Variants in CNTN5 observed in about 807,000 individuals in gnomAD.
CNTN5 encodes contactin 5, also known as contactin-5.
Under a neutral mutation model 129.1 loss-of-function variants are expected in CNTN5, and 77 were observed. The observed-to-expected ratio is 0.60, with a 90% CI of 0.50 to 0.72. The LOEUF (loss-of-function observed/expected upper bound fraction) is 0.72, where lower values mean the gene tolerates loss of function less well. Ranked by LOEUF, CNTN5 falls within the 30% of genes least tolerant of loss-of-function variation. The pLI, the probability that CNTN5 is intolerant of heterozygous loss-of-function variation, is 0.00. For missense variants in CNTN5, 1,478 were observed against 1,328.8 expected, an observed-to-expected ratio of 1.11 and a Z score of -1.75; for synonymous variants, 509 against 465.6, an observed-to-expected ratio of 1.09 and a Z score of -1.20.
At chr11:99,378,034 G>A (rs1236531858) in intron 2 of CNTN5, among the ~76,000 whole-genome samples, 3 of 152,074 alleles carry the variant, frequency 2.0e-5, no homozygotes, top group Admixed American at 6.6e-5. Flanking sequence ...ATTTTAGGGT[G>A]TATAATCAAC....
intron 9 of CNTN5, among the ~76,000 whole-genome samples, chr11:100,036,020 T>C (rs1941976432): frequency 6.6e-6 from 1 of 152,182 alleles, no homozygotes; most frequent in African/African-American, 2.4e-5. Flanking sequence ...GCTTTTGGTG[T>C]TTGAGACGTG....
At chr11:100,290,292 T>A (rs1228780883) in intron 18 of CNTN5, among the ~76,000 whole-genome samples, 1 of 152,202 alleles carries the variant, frequency 6.6e-6, no homozygotes, top group East Asian at 1.9e-4. Flanking sequence ...AGAGCCTGCA[T>A]TGCTAAGTCA....
intron 2 of CNTN5, among the ~76,000 whole-genome samples, chr11:99,464,987 A>G (rs1944876195): frequency 6.6e-6 from 1 of 152,212 alleles, no homozygotes; most frequent in African/African-American, 2.4e-5. Context: ...GAATAAACAC[A>G]GGGCCATATG....
intron 4 of CNTN5, among the ~76,000 whole-genome samples, chr11:99,843,793 C>G (rs2135690170): frequency 6.6e-6 from 1 of 152,262 alleles, no homozygotes; most frequent in East Asian, 1.9e-4. Context: ...ATCAATGGTA[C>G]AGAGACTGAG....
At chr11:99,485,256 G>C (rs2656149) in intron 2 of CNTN5, among the ~76,000 whole-genome samples, 149,514 of 151,936 alleles carry the variant, frequency 0.98, 73,624 homozygotes, top group East Asian at 1. Context: ...AAAAAAAAGG[G>C]AAGTGATTTC....
intron 3 of CNTN5, among the ~76,000 whole-genome samples, chr11:99,746,677 G>T (rs1181196455): frequency 1.3e-5 from 2 of 152,172 alleles, no homozygotes; most frequent in African/African-American, 4.8e-5. Context: ...GGGTGGAATA[G>T]TTTCATCCTG....
At chr11:100,352,486 AT>A (rs1384678846) in intron 24 of CNTN5, among the ~76,000 whole-genome samples, 3 of 151,754 alleles carry the variant, frequency 2.0e-5, no homozygotes, top group Non-Finnish European at 4.4e-5. Context: ...TTTCAAAAAA[AT>A]GTATATATGT....
At chr11:99,485,107 GA>G (rs1178955510) in intron 2 of CNTN5, among the ~76,000 whole-genome samples, 1 of 151,950 alleles carries the variant, frequency 6.6e-6, no homozygotes, top group Non-Finnish European at 1.5e-5. Flanking sequence ...ATATTTGATG[GA>G]TATGCTAATT....
chr11:100,299,481 A>C (rs894167992), intron 20 of CNTN5, 85 bp downstream of exon 20: 35 of 781,718 alleles, frequency 4.5e-5, no homozygotes, highest in Non-Finnish European at 6.0e-5. Flanking sequence ...CATATTAGAA[A>C]ATACAAATAA....
At chr11:99,898,059 T>C (rs903583521) in intron 6 of CNTN5, among the ~76,000 whole-genome samples, 1 of 152,022 alleles carries the variant, frequency 6.6e-6, no homozygotes, top group Non-Finnish European at 1.5e-5. Flanking sequence ...CAAAACCTCC[T>C]GAATACAGTG....
intron 7 of CNTN5, among the ~76,000 whole-genome samples, chr11:99,941,337 A>G (rs1027074593): frequency 1.3e-5 from 2 of 152,138 alleles, no homozygotes; most frequent in Non-Finnish European, 2.9e-5. Flanking sequence ...TTTACCCAAT[A>G]TAATAGTTTT....
chr11:99,962,637 T>C (rs1950980539), intron 8 of CNTN5, among the ~76,000 whole-genome samples: 1 of 150,938 alleles, frequency 6.6e-6, no homozygotes, highest in African/African-American at 2.5e-5. Context: ...TGTGTCTTTA[T>C]AGCAGCATGA....
At chr11:99,046,152 G>C (rs757674983) in intron 1 of CNTN5, among the ~76,000 whole-genome samples, 1 of 151,870 alleles carries the variant, frequency 6.6e-6, no homozygotes, top group Non-Finnish European at 1.5e-5. Context: ...CAGACTGGGC[G>C]ACATGGCAAA....
rs553852423 is a variant in CNTN5 at position 100,183,613 on chromosome 11, G to A, written c.1581-7513G>A. ...CAGATCAGTAGTTGCCTAGGACAAC[G>A]ATGGGGTTAGAAGGGGCTGGGGGAA... is the stretch of plus-strand genomic sequence containing the variant. On this transcript the variant is annotated intron_variant, in intron 13 of 24. Coordinates refer to ENST00000524871, the MANE Select transcript of CNTN5 (RefSeq NM_014361.4). 2.6e-5 allele frequency among the ~76,000 whole-genome samples: 4 copies of A among 152,204 alleles called. No homozygotes were observed. In the South Asian group the frequency reaches 8.3e-4, roughly 32 times the overall value.
intron 1 of CNTN5, among the ~76,000 whole-genome samples, chr11:99,038,905 A>G (rs896678135): frequency 3.4e-4 from 51 of 152,090 alleles, no homozygotes; most frequent in Admixed American, 1.3e-3. Flanking sequence ...TAGCTCTGAT[A>G]AGTAAAATTT....
At chr11:99,686,733 C>T (rs1953811133) in intron 3 of CNTN5, among the ~76,000 whole-genome samples, 1 of 152,102 alleles carries the variant, frequency 6.6e-6, no homozygotes, top group Non-Finnish European at 1.5e-5. Flanking sequence ...AAAGTGTGGG[C>T]TGTCTTCCCA....
At chr11:99,414,931 C>T (rs1039423309) in intron 2 of CNTN5, among the ~76,000 whole-genome samples, 1 of 152,044 alleles carries the variant, frequency 6.6e-6, no homozygotes. Context: ...TTTTTAGTTG[C>T]CTTTGGCTTC....
At chr11:99,162,260 G>T (rs1860652810) in intron 1 of CNTN5, among the ~76,000 whole-genome samples, 1 of 146,012 alleles carries the variant, frequency 6.8e-6, no homozygotes. Context: ...AAGTTGGCTT[G>T]AGGGTTCCTA....
At chr11:99,231,898 A>T (rs1861019394) in intron 1 of CNTN5, among the ~76,000 whole-genome samples, 1 of 152,196 alleles carries the variant, frequency 6.6e-6, no homozygotes, top group African/African-American at 2.4e-5. Flanking sequence ...CTATTTATTA[A>T]ATAGGGAATC....
Sources: allele counts gnomAD v4.1 joint callset (sites outside exome capture counted in the v4.1 genomes callset), GRCh38; gene constraint gnomAD v4.1.1; transcripts MANE v1.5; gene names NCBI Gene and HGNC (gene_info 2026-07-23, HGNC 2026-07-21).